Variants in MYLIP observed in about 807,000 individuals in gnomAD.
The protein encoded by MYLIP is myosin regulatory light chain interacting protein.
A neutral mutation model predicts 45.8 loss-of-function variants in MYLIP; 26 were observed. The observed-to-expected ratio is 0.57, with a 90% CI of 0.42 to 0.79. MYLIP has a LOEUF of 0.79. Ranked by LOEUF, MYLIP falls within the 30% of genes least tolerant of loss-of-function variation. The pLI is 0.00. For synonymous variants in MYLIP, 213 were observed against 218.1 expected, an observed-to-expected ratio of 0.98 and a Z score of 0.21; for missense variants, 494 against 555.6, an observed-to-expected ratio of 0.89 and a Z score of 1.11.
chr6:16,139,989 T>G (rs1329198255), intron 2 of MYLIP, among the ~76,000 whole-genome samples: 4 of 152,212 alleles, frequency 2.6e-5, no homozygotes, highest in African/African-American at 9.6e-5. Flanking sequence ...CAGCCAGACA[T>G]TGTAGACTCT....
In MYLIP at chr6:16,145,142, T is replaced by C. The variant is rs200398550; in HGVS notation, c.1073T>C (p.Met358Thr). 3 of 1,614,152 alleles carry C rather than the reference T, an allele frequency of 1.9e-6. No homozygotes were observed. The highest frequency in any genetic ancestry group is 2.7e-5 in the African/African-American group (2 of 75,038). ...HSPLKSSESS[M>T]NCSSCEGLSC... is the part of the protein sequence containing the mutation. Reference sequence around the variant, plus strand: ...CCTCTGAAGTCCTCAGAAAGCAGCATGAACTGCAGCAGCTGCGAGGGCCTC... The same window carrying C: ...CCTCTGAAGTCCTCAGAAAGCAGCACGAACTGCAGCAGCTGCGAGGGCCTC... The change falls in exon 6 of 7, where the codon ATG (methionine) becomes ACG (threonine). Residue 358 changes from methionine (M) to threonine (T), a missense_variant. By Grantham distance (81) the Met-to-Thr change is moderately conservative. Coordinates refer to ENST00000356840, the MANE Select transcript of MYLIP (RefSeq NM_013262.4).
chr6:16,161,324 G>T, the MYLIP span: 5 of 314,476 alleles, frequency 1.6e-5, no homozygotes, highest in South Asian at 3.1e-5. Flanking sequence ...GCTTCAGATG[G>T]GTGCCCACAA....
In MYLIP at chr6:16,146,773, T is replaced by G. The variant is rs1759800979; in HGVS notation, c.*22T>G. On this transcript the variant is annotated 3_prime_UTR_variant, in exon 7 of 7. Coordinates refer to ENST00000356840, the MANE Select transcript of MYLIP (RefSeq NM_013262.4). The stretch of plus-strand genomic sequence containing the variant: ...CTAATCTGTTGTGCTTTTGTTGGAC[T>G]TGGCATGTTTCCATGAACTGCACTA... 6.4e-7 allele frequency: 1 copy of G among 1,568,998 alleles called. No homozygotes were observed. The highest frequency in any genetic ancestry group is 8.7e-7 in the Non-Finnish European group (1 of 1,147,690).
chr6:16,145,285 G>A lies in MYLIP; in HGVS notation c.1216G>A (p.Val406Met), dbSNP rs756343170. 1.8e-5 allele frequency: 29 copies of A among 1,604,306 alleles called. No homozygotes were observed. The highest frequency in any genetic ancestry group is 5.0e-5 in the Admixed American group (3 of 59,678). The change falls in exon 6 of 7, where the codon GTG (valine) becomes ATG (methionine). Residue 406 changes from valine (V) to methionine (M), a missense_variant. Coordinates refer to ENST00000356840, the MANE Select transcript of MYLIP (RefSeq NM_013262.4). ...NSTFCPCGHT[V>M]CCESCAAQLQ... ...CACCTTCTGTCCCTGTGGCCACACT[G>A]TGTGCTGTGAGAGCTGCGCCGCCCA...
At chr6:16,146,522 A>G in intron 6 of MYLIP, 140 bp from the exon 7 acceptor site, 1 of 645,414 alleles carries the variant, frequency 1.5e-6, no homozygotes, top group Non-Finnish European at 2.7e-6. Flanking sequence ...AAAGATCTCT[A>G]CCAATTGAAA....
intron 2 of MYLIP, among the ~76,000 whole-genome samples, chr6:16,135,369 G>T (rs1759528487): frequency 6.6e-6 from 1 of 152,140 alleles, no homozygotes; most frequent in Non-Finnish European, 1.5e-5. Flanking sequence ...TTCTGGTGTG[G>T]GTTGTGATCA....
chr6:16,154,328 AC>A, the MYLIP span, among the ~76,000 whole-genome samples: 2 of 152,106 alleles, frequency 1.3e-5, no homozygotes, highest in African/African-American at 4.8e-5. Context: ...TACATGCTGT[AC>A]CTAAGGATCT....
At chr6:16,160,490 A>T in the MYLIP span, among the ~76,000 whole-genome samples, 1 of 152,126 alleles carries the variant, frequency 6.6e-6, no homozygotes, top group African/African-American at 2.4e-5. Context: ...ATTTGATAGG[A>T]TTCTTGCCAA....
At chr6:16,158,483 A>G in the MYLIP span, among the ~76,000 whole-genome samples, 1 of 152,244 alleles carries the variant, frequency 6.6e-6, no homozygotes, top group African/African-American at 2.4e-5. Context: ...CGATACCAAC[A>G]GGATTGATAT....
At chr6:16,136,229 C>T (rs1759553312) in intron 2 of MYLIP, among the ~76,000 whole-genome samples, 1 of 150,660 alleles carries the variant, frequency 6.6e-6, no homozygotes, top group African/African-American at 2.4e-5. Flanking sequence ...GTCAACCCCT[C>T]CCCTTCTTTC....
chr6:16,158,989 G>A, the MYLIP span, among the ~76,000 whole-genome samples: 18 of 152,298 alleles, frequency 1.2e-4, no homozygotes, highest in African/African-American at 4.1e-4. Context: ...TAACCACTCC[G>A]TCAATGTTGA....
At chr6:16,139,395 A>G (rs1307756988) in intron 2 of MYLIP, among the ~76,000 whole-genome samples, 1 of 152,208 alleles carries the variant, frequency 6.6e-6, no homozygotes, top group African/African-American at 2.4e-5. Flanking sequence ...CTCAAAAAAA[A>G]AAAAAAAGGC....
chr6:16,131,029 G>GGAAAAAAA lies in MYLIP; in HGVS notation c.278+282_278+283insGAAAAAAA, dbSNP rs1491408324. Among the ~76,000 whole-genome samples the GGAAAAAAA allele has an allele frequency of 1.2e-3, 133 of 115,240 alleles. 2 individuals carry two copies. The highest frequency in any genetic ancestry group is 2.7e-3 in the Admixed American group (32 of 12,044). The allele number at this position is 115,240 out of a possible 152,430, so 75.6% of individuals were successfully genotyped here. A position where few individuals can be genotyped will look rare whatever the true frequency, so the allele number is the denominator to read the frequency against. On this transcript the variant is annotated intron_variant, in intron 2 of 6. Transcript: ENST00000356840. ...ACACTTGAGATAAGTGCTACCCCAG[G>GGAAAAAAA]AAAAAAAAAAAAAAAAAAAGAAACC...
chr6:16,154,940 C>T, the MYLIP span, among the ~76,000 whole-genome samples: 3 of 152,120 alleles, frequency 2.0e-5, no homozygotes, highest in African/African-American at 7.2e-5. Flanking sequence ...AATAGGATAA[C>T]AATTCTGGGA....
At chr6:16,150,793 G>T (rs1446611556), downstream of MYLIP, among the ~76,000 whole-genome samples, 1 of 152,102 alleles carries the variant, frequency 6.6e-6, no homozygotes, top group Non-Finnish European at 1.5e-5. Flanking sequence ...TTTATTAAGG[G>T]TTTCAAAAAT....
In MYLIP at chr6:16,129,127, G is replaced by T. The variant is rs924737218; in HGVS notation, c.-196G>T. 3 of 583,630 alleles carry T rather than the reference G, an allele frequency of 5.1e-6. No homozygotes were observed. Among genetic ancestry groups the T allele is most frequent in the Non-Finnish European group, 9.0e-6 (3 of 332,758 alleles). 36.2% of individuals were successfully genotyped at this position (583,630 alleles called of 1,614,324 possible). Reference sequence around the variant, plus strand: ...TGCGGCGCCACCGCGGAGGACAGGGGCAGCTGGCGGGCAGCGGGTGAGGGG... The same window carrying T: ...TGCGGCGCCACCGCGGAGGACAGGGTCAGCTGGCGGGCAGCGGGTGAGGGG... On this transcript the variant is annotated 5_prime_UTR_variant, in exon 1 of 7. Coordinates refer to ENST00000356840, the MANE Select transcript of MYLIP (RefSeq NM_013262.4). This position sits in a 1 kb window ranked among gnomAD's most constrained non-coding sequence, Gnocchi z 5.1.
intron 2 of MYLIP, among the ~76,000 whole-genome samples, chr6:16,131,847 G>A (rs1759465767): frequency 6.6e-6 from 1 of 152,176 alleles, no homozygotes; most frequent in Non-Finnish European, 1.5e-5. Context: ...TTTAAAGGTT[G>A]AGGCAGACGT....
At chr6:16,156,954 A>G in the MYLIP span, among the ~76,000 whole-genome samples, 30 of 152,298 alleles carry the variant, frequency 2.0e-4, no homozygotes, top group South Asian at 1.7e-3. Context: ...CAAAACACTC[A>G]GTAACTCCCC....
At chr6:16,139,406 C>G (rs1345710599) in intron 2 of MYLIP, among the ~76,000 whole-genome samples, 4 of 151,788 alleles carry the variant, frequency 2.6e-5, no homozygotes, top group African/African-American at 9.7e-5. Flanking sequence ...AAAAAAAGGC[C>G]ACTTTTACAT....
Sources: allele counts gnomAD v4.1 joint callset (sites outside exome capture counted in the v4.1 genomes callset), GRCh38; gene constraint gnomAD v4.1.1; non-coding constraint Gnocchi (gnomAD v3.1); transcripts MANE v1.5; gene names NCBI Gene and HGNC (gene_info 2026-07-23, HGNC 2026-07-21).